The following EVI5L variants were observed in gnomAD, a reference collection of about 807,000 sequenced individuals.
EVI5L encodes EVI5-like protein.
Under a neutral mutation model 106.1 loss-of-function variants are expected in EVI5L, and 30 were observed. That is an observed-to-expected ratio of 0.28 (90% CI 0.21 to 0.38). The LOEUF (loss-of-function observed/expected upper bound fraction) is 0.38, where lower values mean the gene tolerates loss of function less well. Ranked by LOEUF, EVI5L falls within the 10% of genes least tolerant of loss-of-function variation. The pLI is 1.00. For synonymous variants in EVI5L, 489 were observed against 483.3 expected (o/e 1.01, Z -0.15); for missense variants, 809 against 1,098.0 (o/e 0.74, Z 3.72).
At chr19:7,842,552 G>T (rs1372450054) in intron 1 of EVI5L, among the ~76,000 whole-genome samples, 2 of 147,740 alleles carry the variant, frequency 1.4e-5, no homozygotes, top group Non-Finnish European at 3.0e-5. Flanking sequence ...TCAAGTGTGT[G>T]TATGTGTGTG....
At chr19:7,849,170 C>T (rs1350584524) in intron 4 of EVI5L, 25 bp downstream of exon 4, 2 of 1,612,254 alleles carry the variant, frequency 1.2e-6, no homozygotes, top group South Asian at 1.1e-5. Flanking sequence ...TCCCCGCTCC[C>T]TCGGTCCCAA....
At chr19:7,842,388 CTG>C (rs1257463895) in intron 1 of EVI5L, among the ~76,000 whole-genome samples, 784 of 18,776 alleles carry the variant, frequency 0.042, 6 homozygotes, top group African/African-American at 0.093. Context: ...GTGTGCATGT[CTG>C]TGAGAATGTG....
At chr19:7,842,179 G>A (rs1978632748) in intron 1 of EVI5L, among the ~76,000 whole-genome samples, 1 of 136,222 alleles carries the variant, frequency 7.3e-6, no homozygotes. Flanking sequence ...GTGTGAATGT[G>A]CATGGGTGTG....
In EVI5L at chr19:7,864,042, T is replaced by G. The variant is rs1201659628; in HGVS notation, c.*340T>G. On this transcript the variant is annotated 3_prime_UTR_variant, in exon 20 of 20. Transcript: ENST00000538904. This position sits in a 1 kb window ranked among gnomAD's most constrained non-coding sequence, Gnocchi z 4.5. Reference sequence around the variant, plus strand: ...ACGACCCAGAGGTCCCAGCACTGAATGAGCAGGCAGCTCCCACCTCCTGGC... The same window carrying G: ...ACGACCCAGAGGTCCCAGCACTGAAGGAGCAGGCAGCTCCCACCTCCTGGC... 2 of 283,506 alleles carry G rather than the reference T, an allele frequency of 7.1e-6. No homozygotes were observed. Among genetic ancestry groups the G allele is most frequent in the Non-Finnish European group, 6.5e-6 (1 of 152,724 alleles). 17.6% of individuals were successfully genotyped at this position (283,506 alleles called of 1,614,324 possible).
rs527529604 is a variant in EVI5L, at chr19:7,862,915, C to T, written c.1948-57C>T. ...TTCGCCCCTGCCCGCGGTCCCGCCC[C>T]CTGATGCGCCGCGCCCCCTGACCCG... On this transcript the variant is annotated intron_variant, in intron 17 of 19. Transcript: ENST00000538904. The T allele has an allele frequency of 2.3e-3, 2,975 of 1,305,862 alleles. 10 individuals are homozygous for T. The highest frequency in any genetic ancestry group is 7.2e-3 in the Middle Eastern group (28 of 3,864). 80.9% of individuals were successfully genotyped at this position (1,305,862 alleles called of 1,614,324 possible).
intron 13 of EVI5L, among the ~76,000 whole-genome samples, chr19:7,860,071 G>T (rs11666991): frequency 0.35 from 53,626 of 152,144 alleles, 10,224 homozygotes; most frequent in South Asian, 0.65. Flanking sequence ...AGAAGCCAGG[G>T]CATGGAGCAA....
At chr19:7,836,193 T>A (rs529654043) in intron 1 of EVI5L, among the ~76,000 whole-genome samples, 2 of 151,332 alleles carry the variant, frequency 1.3e-5, no homozygotes, top group East Asian at 3.9e-4. Flanking sequence ...GCCAAGATCG[T>A]GCAACTGCAC....
chr19:7,851,733 C>A lies in EVI5L; in HGVS notation c.950C>A (p.Ala317Glu), dbSNP rs777706413. The change falls in exon 8 of 20, where the codon GCA (alanine) becomes GAA (glutamate). Residue 317 changes from alanine to glutamate, a missense_variant. Physicochemically the swap from Ala to Glu is moderately radical, Grantham distance 107. This residue lies in a region of EVI5L where 357 missense variants were observed against 588.1 expected (regional missense o/e 0.61). Coordinates refer to ENST00000538904, the MANE Select transcript of EVI5L (RefSeq NM_001159944.3). ...CTCGCCCTGCTGCAGGTGAACCAGG[C>A]AGAGCTGATGCAGCTGGACATGGAG... ...VGLALLQVNQ[A>E]ELMQLDMEGM... 1 of 1,536,404 alleles carries A rather than the reference C, an allele frequency of 6.5e-7. No individual in the cohort carries two copies. The highest frequency in any genetic ancestry group is 2.2e-5 in the Admixed American group (1 of 45,930).
intron 1 of EVI5L, among the ~76,000 whole-genome samples, chr19:7,836,544 C>G (rs1978350839): frequency 6.6e-6 from 1 of 152,174 alleles, no homozygotes. Flanking sequence ...CCTCCTCAGC[C>G]TAGTCAAGGG....
Position 7,856,126 on chromosome 19 carries a change from G to C in EVI5L, c.1200+58G>C. The C allele has an allele frequency of 7.7e-7, 1 of 1,298,960 alleles. No homozygotes were observed. The highest frequency in any genetic ancestry group is 9.9e-7 in the Non-Finnish European group (1 of 1,008,520). 80.5% of individuals were successfully genotyped at this position (1,298,960 alleles called of 1,614,324 possible). On this transcript the variant is annotated intron_variant, in intron 11 of 19. Coordinates refer to ENST00000538904, the MANE Select transcript of EVI5L (RefSeq NM_001159944.3). The surrounding 1 kb of genome is among the most constrained non-coding windows in gnomAD (Gnocchi z 6.6). The stretch of plus-strand genomic sequence containing the variant: ...GCCATGGGGTGTGACCCACCATGCG[G>C]GGCATGGCCGCTAACCTGGGGTGGA...
In EVI5L at chr19:7,860,458, CT is replaced by C. The variant is rs1243442674; in HGVS notation, c.1375-102del. ...ACACCCCAAGCCTGGGCCCCTCTCC[CT>C]GCTGAAGGGCTCTGGGGAGGCGGGG... is the stretch of plus-strand genomic sequence containing the variant. On this transcript the variant is annotated intron_variant, in intron 13 of 19. Coordinates refer to ENST00000538904, the MANE Select transcript of EVI5L (RefSeq NM_001159944.3). 15 of 1,062,788 alleles carry C rather than the reference CT, an allele frequency of 1.4e-5. No individual in the cohort carries two copies. In the Admixed American group the frequency reaches 3.7e-4, roughly 26 times the overall value. 65.8% of individuals were successfully genotyped at this position (1,062,788 alleles called of 1,614,324 possible).
rs1980033258 is a variant in EVI5L at position 7,864,647 on chromosome 19, C to CA, written c.*949dup. On this transcript the variant is annotated 3_prime_UTR_variant, in exon 20 of 20. Transcript: ENST00000538904. This position sits in a 1 kb window ranked among gnomAD's most constrained non-coding sequence, Gnocchi z 4.5. ...GCTGAATCAGAGCTGAGAACGGTGCCAAAATCCAACGATGCCCCCCAGGCC... is the reference window on the plus strand; with the variant it reads ...GCTGAATCAGAGCTGAGAACGGTGCCAAAAATCCAACGATGCCCCCCAGGCC... The CA allele has an allele frequency of 6.6e-6, 1 of 152,356 alleles. No individual in the cohort carries two copies. The highest frequency in any genetic ancestry group is 2.4e-5 in the African/African-American group (1 of 41,418). 9.4% of individuals were successfully genotyped at this position (152,356 alleles called of 1,614,324 possible). A position where few individuals can be genotyped will look rare whatever the true frequency, so the allele number is the denominator to read the frequency against.
chr19:7,843,502 G>T (rs111163868), intron 1 of EVI5L, among the ~76,000 whole-genome samples: 21,022 of 114,096 alleles, frequency 0.18, 2,196 homozygotes, highest in Middle Eastern at 0.28. Flanking sequence ...CATGTGTATA[G>T]GTGTATGAGT....
In EVI5L at chr19:7,844,636, T is replaced by C. The variant is rs576322475; in HGVS notation, c.-47-1860T>C. On this transcript the variant is annotated intron_variant, in intron 1 of 19. Coordinates refer to ENST00000538904, the MANE Select transcript of EVI5L (RefSeq NM_001159944.3). The stretch of plus-strand genomic sequence containing the variant: ...TGGGAGGCCCCAAAGTGGCCCCCAC[T>C]GTCCCTGCCTCGGGAATGATTAACT... Among the ~76,000 whole-genome samples the C allele has an allele frequency of 2.0e-5, 3 of 152,326 alleles. No individual in the cohort carries two copies. The East Asian group carries it at 5.8e-4, about 29-fold the overall frequency.
At chr19:7,852,102 C>T (rs1469980617) in intron 8 of EVI5L, among the ~76,000 whole-genome samples, 2 of 152,198 alleles carry the variant, frequency 1.3e-5, no homozygotes, top group Admixed American at 1.3e-4. Context: ...ACTGACTGAC[C>T]ATGAGGGCAT....
rs745733593 is a variant in EVI5L, at chr19:7,857,007, G to A, written c.1201-85G>A. ...TAGTCCACTGCGTTAGTGACAAGTG[G>A]TTCTTGTCTGTCTCCCCTCTCCTGT... is the stretch of plus-strand genomic sequence containing the variant. On this transcript the variant is annotated intron_variant, in intron 11 of 19. Transcript: ENST00000538904. This position sits in a 1 kb window ranked among gnomAD's most constrained non-coding sequence, Gnocchi z 4.5. 103 of 1,395,744 alleles carry A rather than the reference G, an allele frequency of 7.4e-5. No homozygotes were observed. In the African/African-American group the frequency reaches 1.1e-3, roughly 15 times the overall value. 86.5% of individuals were successfully genotyped at this position (1,395,744 alleles called of 1,614,324 possible).
chr19:7,849,814 C>A (rs1417420929), intron 5 of EVI5L, among the ~76,000 whole-genome samples, 183 bp from the exon 6 acceptor site: 2 of 152,146 alleles, frequency 1.3e-5, no homozygotes, highest in Non-Finnish European at 2.9e-5. Flanking sequence ...GTGACCTCAG[C>A]CTCAGGTCTT....
intron 1 of EVI5L, among the ~76,000 whole-genome samples, chr19:7,830,920 C>T (rs1372147838): frequency 6.7e-6 from 1 of 149,264 alleles, no homozygotes; most frequent in Non-Finnish European, 1.5e-5. Context: ...AGGGCCTACC[C>T]GCCCCCCATG....
At chr19:7,846,964 C>T (rs1440677596) in intron 2 of EVI5L, among the ~76,000 whole-genome samples, 1 of 152,170 alleles carries the variant, frequency 6.6e-6, no homozygotes, top group African/African-American at 2.4e-5. Context: ...TCGATTCGGG[C>T]CTTCCTGCTT....
Sources: gnomAD v4.1 joint callset for allele counts (sites outside exome capture counted in the v4.1 genomes callset) on GRCh38, gnomAD v4.1.1 for gene constraint, gnomAD v4.1.1 regional missense constraint, Gnocchi (gnomAD v3.1) non-coding constraint, MANE v1.5 for transcripts, NCBI Gene and HGNC (gene_info 2026-07-23, HGNC 2026-07-21) for gene names.